Variants in HECW1 observed in about 807,000 individuals in gnomAD.
HECW1 encodes the protein E3 ubiquitin-protein ligase HECW1.
A neutral mutation model predicts 182.3 loss-of-function variants in HECW1; 61 were observed. That is an observed-to-expected ratio of 0.33 (90% CI 0.27 to 0.41). The LOEUF is 0.41. Ranked by LOEUF, HECW1 falls within the 10% of genes least tolerant of loss-of-function variation. HECW1 has a pLI of 1.00. For missense variants in HECW1, 1,739 were observed against 2,108.9 expected (o/e 0.82, Z 3.44); for synonymous variants, 859 against 832.6 (o/e 1.03, Z -0.55).
At chr7:43,447,986 T>C (rs2077114125) in intron 11 of HECW1, among the ~76,000 whole-genome samples, 1 of 151,820 alleles carries the variant, frequency 6.6e-6, no homozygotes, top group South Asian at 2.1e-4. Context: ...ATACAAAATA[T>C]TAGCTGGGCA....
chr7:43,552,996 A>C (rs988838870), intron 28 of HECW1, among the ~76,000 whole-genome samples: 12 of 152,266 alleles, frequency 7.9e-5, no homozygotes, highest in East Asian at 3.9e-4. Context: ...AGCAGTGTGC[A>C]TGGCTCCAGG....
rs530757733 is a variant in HECW1 at position 43,285,249 on chromosome 7, C to CA, written c.28-26513dup. ...ATGTAGACAAACTGGATCAGGGTCTCACCTGTGGAGCTCTGAAAAACCGTG... is the reference window on the plus strand; with the variant it reads ...ATGTAGACAAACTGGATCAGGGTCTCAACCTGTGGAGCTCTGAAAAACCGTG... On this transcript the variant is annotated intron_variant, in intron 3 of 29. Transcript: ENST00000395891. 6.4e-4 allele frequency among the ~76,000 whole-genome samples: 98 copies of CA among 152,290 alleles called. 1 individual carries two copies. In the East Asian group the frequency reaches 0.019, roughly 29 times the overall value.
chr7:43,416,499 C>T (rs1431486661), intron 8 of HECW1, among the ~76,000 whole-genome samples: 1 of 151,992 alleles, frequency 6.6e-6, no homozygotes, highest in Non-Finnish European at 1.5e-5. Context: ...TGTGACCTGC[C>T]CCCAGAGGTG....
intron 2 of HECW1, among the ~76,000 whole-genome samples, chr7:43,157,044 A>C (rs1789957876): frequency 6.6e-6 from 1 of 152,240 alleles, no homozygotes; most frequent in Non-Finnish European, 1.5e-5. Flanking sequence ...GTTCATTCGC[A>C]AACCTGGGCT....
chr7:43,223,850 G>A (rs1797197891), intron 2 of HECW1, among the ~76,000 whole-genome samples: 1 of 152,148 alleles, frequency 6.6e-6, no homozygotes, highest in African/African-American at 2.4e-5. Context: ...CTCTCTGCCT[G>A]AAAGCTCCCC....
intron 17 of HECW1, among the ~76,000 whole-genome samples, chr7:43,485,724 A>G (rs1444116692): frequency 6.6e-6 from 1 of 152,236 alleles, no homozygotes; most frequent in East Asian, 1.9e-4. Flanking sequence ...GTACACCTGT[A>G]TAGGATACTT....
chr7:43,561,100 C>T (rs1353234432), intron 29 of HECW1, among the ~76,000 whole-genome samples: 1 of 152,222 alleles, frequency 6.6e-6, no homozygotes, highest in Non-Finnish European at 1.5e-5. Context: ...TGGAGAGCCA[C>T]ATGAGTCTTC....
chr7:43,516,955 G>C (rs1390399050), intron 24 of HECW1, among the ~76,000 whole-genome samples: 1 of 152,210 alleles, frequency 6.6e-6, no homozygotes, highest in East Asian at 1.9e-4. Flanking sequence ...TTGTATAGAA[G>C]ATAAGAAATG....
intron 6 of HECW1, among the ~76,000 whole-genome samples, chr7:43,366,110 A>G (rs1816617854): frequency 6.6e-6 from 1 of 152,072 alleles, no homozygotes; most frequent in African/African-American, 2.4e-5. Context: ...CACAAAAAAA[A>G]AAAAGAACAA....
intron 3 of HECW1, among the ~76,000 whole-genome samples, chr7:43,278,948 A>G (rs1035539274): frequency 1.3e-5 from 2 of 152,216 alleles, no homozygotes; most frequent in Admixed American, 6.5e-5. Context: ...CTGTGAGGAC[A>G]GAAATTTCTG....
chr7:43,237,145 GT>G (rs754252718), intron 2 of HECW1, among the ~76,000 whole-genome samples: 1,108 of 52,198 alleles, frequency 0.021, 25 homozygotes, highest in East Asian at 0.15. Flanking sequence ...AAGGAAGTAG[GT>G]AGGTAGGTAG....
chr7:43,121,068 G>A lies in HECW1; in HGVS notation c.-32+6677G>A, dbSNP rs555474146. ...GCACTATTTTTCCCTCCCCTACAAG[G>A]AGGTGGCTGGGGTTCTTCCTTCCTG... is the stretch of plus-strand genomic sequence containing the variant. On this transcript the variant is annotated intron_variant, in intron 2 of 29. Coordinates refer to ENST00000395891, the MANE Select transcript of HECW1 (RefSeq NM_015052.5). Among the ~76,000 whole-genome samples the A allele has an allele frequency of 3.9e-5, 6 of 152,160 alleles. No individual in the cohort carries two copies. In the South Asian group the frequency reaches 1.2e-3, roughly 32 times the overall value.
intron 20 of HECW1, 30 bp from the exon 21 acceptor site, chr7:43,501,183 C>CTTTTTTTTTTTTT (rs567367189): frequency 3.2e-4 from 240 of 746,466 alleles, no homozygotes; most frequent in East Asian, 8.5e-4. Flanking sequence ...TCTTTTCTTT[C>CTTTTTTTTTTTTT]TTTTTTTTTT....
intron 6 of HECW1, among the ~76,000 whole-genome samples, chr7:43,376,043 C>CAT (rs919377281): frequency 4.2e-5 from 6 of 143,380 alleles, no homozygotes; most frequent in African/African-American, 1.4e-4. Flanking sequence ...TATATACACA[C>CAT]ATATATATAC....
chr7:43,220,942 A>T (rs1796886824), intron 2 of HECW1, among the ~76,000 whole-genome samples: 1 of 152,220 alleles, frequency 6.6e-6, no homozygotes, highest in Admixed American at 6.5e-5. Context: ...CTGGTGTCAC[A>T]GAAGGAAGCC....
chr7:43,331,961 T>C lies in HECW1; in HGVS notation c.460+11219T>C, dbSNP rs139309178. 3.0e-3 allele frequency among the ~76,000 whole-genome samples: 455 copies of C among 152,220 alleles called. 3 individuals are homozygous for C. The highest frequency in any genetic ancestry group is 0.01 in the African/African-American group (421 of 41,534). On this transcript the variant is annotated intron_variant, in intron 5 of 29. Coordinates refer to ENST00000395891, the MANE Select transcript of HECW1 (RefSeq NM_015052.5). The stretch of plus-strand genomic sequence containing the variant: ...GGCAACAGGATCCAGAGAACAGTTA[T>C]GGGACAGGACTTTCCTAGAAGCTCT...
At chr7:43,353,660 G>C (rs75168393) in intron 5 of HECW1, among the ~76,000 whole-genome samples, 2,814 of 152,068 alleles carry the variant, frequency 0.019, 84 homozygotes, top group African/African-American at 0.065. Flanking sequence ...CTGGCACCAA[G>C]TGCATGGAAA....
chr7:43,354,340 A>G (rs1484665556), intron 5 of HECW1, among the ~76,000 whole-genome samples: 1 of 152,202 alleles, frequency 6.6e-6, no homozygotes, highest in Non-Finnish European at 1.5e-5. Flanking sequence ...GACCCCAATG[A>G]GACAGCAATA....
chr7:43,220,426 T>A (rs1796842570), intron 2 of HECW1, among the ~76,000 whole-genome samples: 1 of 152,228 alleles, frequency 6.6e-6, no homozygotes, highest in African/African-American at 2.4e-5. Context: ...ATTGGCCATG[T>A]GGCTGACCTC....
Sources: gnomAD v4.1 joint callset for allele counts (sites outside exome capture counted in the v4.1 genomes callset) on GRCh38, gnomAD v4.1.1 for gene constraint, MANE v1.5 for transcripts, NCBI Gene and HGNC (gene_info 2026-07-23, HGNC 2026-07-21) for gene names.